The following NCOA2 variants were observed in gnomAD, a reference collection of about 807,000 sequenced individuals.
NCOA2 encodes class E basic helix-loop-helix protein 75.
A neutral mutation model predicts 145.1 loss-of-function variants in NCOA2; 21 were observed. The ratio of observed to expected loss-of-function variants is 0.14; its 90% CI spans 0.10 to 0.21. The LOEUF (loss-of-function observed/expected upper bound fraction) is 0.21. NCOA2 is among the 10% of genes least tolerant of loss of function. The probability of loss-of-function intolerance (pLI) is 1.00; values close to 1 mark genes in which losing one functional copy is unlikely to be tolerated. For missense variants in NCOA2, 1,472 were observed against 1,837.6 expected (o/e 0.80, Z 3.64); for synonymous variants, 619 against 637.5 (o/e 0.97, Z 0.44).
intron 2 of NCOA2, among the ~76,000 whole-genome samples, chr8:70,293,061 C>T (rs61608161): frequency 0.015 from 2,266 of 151,976 alleles, 59 homozygotes; most frequent in African/African-American, 0.053. Flanking sequence ...TTTTTTAATT[C>T]TACAGATGAC....
intron 10 of NCOA2, among the ~76,000 whole-genome samples, chr8:70,159,233 TATATATA>T (rs1454971347): frequency 1.3e-5 from 1 of 78,054 alleles, no homozygotes; most frequent in African/African-American, 6.7e-5. Context: ...TATATATATA[TATATATA>T]TATTTTTTTT....
intron 2 of NCOA2, among the ~76,000 whole-genome samples, chr8:70,241,713 T>C (rs72663965): frequency 0.03 from 4,553 of 152,186 alleles, 92 homozygotes; most frequent in South Asian, 0.054. Context: ...ACTGACTCAT[T>C]AGCTGTGTGA....
In NCOA2 at chr8:70,128,994, C is replaced by A. The variant is rs111631661; in HGVS notation, c.3325-14G>T. 0.032 allele frequency: 49,920 copies of A among 1,577,002 alleles called. 950 individuals are homozygous for A. Among genetic ancestry groups the A allele is most frequent in the Non-Finnish European group, 0.036 (41,663 of 1,159,596 alleles). ...TACTGCTTGGCTCTGGAGAGAAAGTCCCAAATAACAAACAAATAATTAAAC... is the reference window on the plus strand; with the variant it reads ...TACTGCTTGGCTCTGGAGAGAAAGTACCAAATAACAAACAAATAATTAAAC... On this transcript the variant is annotated splice_polypyrimidine_tract_variant and intron_variant, in intron 16 of 22. Transcript: ENST00000452400.
At chr8:70,444,510 T>C in the NCOA2 span, among the ~76,000 whole-genome samples, 629 of 152,320 alleles carry the variant, frequency 4.1e-3, 4 homozygotes, top group Non-Finnish European at 6.8e-3. Context: ...CATACATATA[T>C]GTAAATGAGT....
the NCOA2 span, chr8:70,424,574 T>C: frequency 2.0e-6 from 1 of 508,852 alleles, no homozygotes; most frequent in Non-Finnish European, 4.0e-6. Context: ...TCACAAGAGA[T>C]AAGGCAGCAG....
rs1209017347 is a variant in NCOA2 at position 70,159,255 on chromosome 8, T to TTTTC, written c.1124+249_1124+250insGAAA. Among the ~76,000 whole-genome samples, 129 of 137,532 alleles carry TTTTC rather than the reference T, an allele frequency of 9.4e-4. 1 individual carries two copies. Among genetic ancestry groups the TTTTC allele is most frequent in the African/African-American group, 2.7e-3 (101 of 36,904 alleles). 90.2% of individuals were successfully genotyped at this position (137,532 alleles called of 152,430 possible). A position where few individuals can be genotyped will look rare whatever the true frequency, so the allele number is the denominator to read the frequency against. On this transcript the variant is annotated intron_variant, in intron 10 of 22. Coordinates refer to ENST00000452400, the MANE Select transcript of NCOA2 (RefSeq NM_006540.4). ...ATATATATATATATTTTTTTTTTTT[T>TTTTC]CCCCCAAATATTTTCCATCTGTGGT...
In NCOA2 at chr8:70,342,820, CAT is replaced by C. The variant is rs1434531827; in HGVS notation, c.-76-46022_-76-46021del. ...ACACACACACACACACACACACACA[CAT>C]CCCTACATGGTTAGAAAATCTCTCC... On this transcript the variant is annotated intron_variant, in intron 1 of 22. Coordinates refer to ENST00000452400, the MANE Select transcript of NCOA2 (RefSeq NM_006540.4). 2.5e-4 allele frequency among the ~76,000 whole-genome samples: 34 copies of C among 137,698 alleles called. 1 individual carries two copies. The highest frequency in any genetic ancestry group is 9.1e-4 in the South Asian group (4 of 4,372). The allele number at this position is 137,698 out of a possible 152,430, so 90.3% of individuals were successfully genotyped here.
intron 1 of NCOA2, among the ~76,000 whole-genome samples, chr8:70,314,007 A>AT (rs1460370618): frequency 3.3e-5 from 5 of 151,334 alleles, no homozygotes; most frequent in African/African-American, 9.7e-5. Flanking sequence ...CCCTACTAAA[A>AT]AATATATATA....
At chr8:70,281,243 A>G (rs543626534) in intron 2 of NCOA2, among the ~76,000 whole-genome samples, 11 of 149,392 alleles carry the variant, frequency 7.4e-5, no homozygotes, top group African/African-American at 2.7e-4. Context: ...AGTCCCAGCT[A>G]TTTGGGAGGC....
intron 1 of NCOA2, among the ~76,000 whole-genome samples, chr8:70,342,245 T>A (rs555580905): frequency 2.0e-4 from 30 of 152,238 alleles, no homozygotes; most frequent in African/African-American, 7.0e-4. Flanking sequence ...TTAACCACAA[T>A]AAGCAATCAC....
At chr8:70,213,650 T>C (rs758935983) in intron 4 of NCOA2, among the ~76,000 whole-genome samples, 1 of 152,158 alleles carries the variant, frequency 6.6e-6, no homozygotes, top group African/African-American at 2.4e-5. Flanking sequence ...CCTAACTGAG[T>C]TTACTAGATG....
chr8:70,214,592 C>A (rs557324130), intron 3 of NCOA2, among the ~76,000 whole-genome samples: 1 of 152,198 alleles, frequency 6.6e-6, no homozygotes, highest in African/African-American at 2.4e-5. Flanking sequence ...AACCAAACAG[C>A]CTTTTTAGGT....
At chr8:70,202,797 C>T (rs1415369431) in intron 4 of NCOA2, among the ~76,000 whole-genome samples, 1 of 152,128 alleles carries the variant, frequency 6.6e-6, no homozygotes, top group Non-Finnish European at 1.5e-5. Flanking sequence ...GTAATTTACA[C>T]CTAAAAATTG....
At chr8:70,323,503 A>G (rs535337152) in intron 1 of NCOA2, among the ~76,000 whole-genome samples, 1 of 152,276 alleles carries the variant, frequency 6.6e-6, no homozygotes, top group East Asian at 1.9e-4. Context: ...AAATTAGCAA[A>G]CTTCAAAAAG....
upstream of NCOA2, among the ~76,000 whole-genome samples, chr8:70,405,138 T>A (rs188312354): frequency 4.6e-5 from 7 of 152,302 alleles, no homozygotes; most frequent in Middle Eastern, 3.4e-3. Context: ...AGCCAGTAGT[T>A]GGAGAGGATG....
chr8:70,233,166 C>T (rs1250196483), intron 2 of NCOA2, among the ~76,000 whole-genome samples: 2 of 151,742 alleles, frequency 1.3e-5, no homozygotes, highest in African/African-American at 4.8e-5. Flanking sequence ...GCGGAGGTTG[C>T]AGTGAGCTGA....
chr8:70,344,970 T>C (rs144269056), intron 1 of NCOA2, among the ~76,000 whole-genome samples: 432 of 152,346 alleles, frequency 2.8e-3, no homozygotes, highest in African/African-American at 9.4e-3. Context: ...TAAATTACAA[T>C]GGCCAAGATA....
At chr8:70,264,042 T>A (rs961373314) in intron 2 of NCOA2, among the ~76,000 whole-genome samples, 2 of 151,756 alleles carry the variant, frequency 1.3e-5, no homozygotes, top group African/African-American at 4.8e-5. Flanking sequence ...GAGAAATCTC[T>A]TCTCTACTAA....
intron 5 of NCOA2, among the ~76,000 whole-genome samples, chr8:70,173,371 A>C (rs955278744): frequency 3.9e-5 from 6 of 152,192 alleles, no homozygotes; most frequent in African/African-American, 1.4e-4. Flanking sequence ...AAATTTCCCA[A>C]TTGTAATAAT....
Sources: allele counts gnomAD v4.1 joint callset (sites outside exome capture counted in the v4.1 genomes callset), GRCh38; gene constraint gnomAD v4.1.1; transcripts MANE v1.5; gene names NCBI Gene and HGNC (gene_info 2026-07-23, HGNC 2026-07-21).